Variants in NDFIP2 observed in about 807,000 individuals in gnomAD.
NDFIP2 encodes NEDD4 family-interacting protein 2.
A neutral mutation model predicts 36.0 loss-of-function variants in NDFIP2; 19 were observed. The observed-to-expected ratio is 0.53, with a 90% confidence interval of 0.37 to 0.77. The LOEUF is 0.77. NDFIP2 is among the 30% of genes least tolerant of loss of function. The pLI is 0.00. For missense variants in NDFIP2, 446 were observed against 435.8 expected, an observed-to-expected ratio of 1.02 and a Z score of -0.21; for synonymous variants, 181 against 167.7, an observed-to-expected ratio of 1.08 and a Z score of -0.61.
Position 79,551,848 on chromosome 13 carries a change from C to A in NDFIP2, c.*3-668C>A, listed in dbSNP as rs376048874. Reference sequence around the variant, plus strand: ...CCTATTCTACTTTTTAAAGCAAGTACCATGTACTTTATACCTATAAATAAG... The same window carrying A: ...CCTATTCTACTTTTTAAAGCAAGTAACATGTACTTTATACCTATAAATAAG... On this transcript the variant is annotated intron_variant, in intron 7 of 7. Transcript: ENST00000218652. 5.3e-5 allele frequency among the ~76,000 whole-genome samples: 8 copies of A among 151,328 alleles called. No individual in the cohort carries two copies. In the East Asian group the frequency reaches 1.2e-3, roughly 22 times the overall value.
chr13:79,495,170 G>A (rs1004003988), intron 1 of NDFIP2, among the ~76,000 whole-genome samples: 4 of 151,756 alleles, frequency 2.6e-5, no homozygotes, highest in Admixed American at 6.6e-5. Context: ...ATAATATACT[G>A]TGTGCACTTG....
intron 3 of NDFIP2, among the ~76,000 whole-genome samples, chr13:79,538,929 A>AG (rs1358142342): frequency 6.6e-6 from 1 of 152,162 alleles, no homozygotes; most frequent in Non-Finnish European, 1.5e-5. Context: ...TACTGGTACA[A>AG]GGGGTGGGCT....
intron 2 of NDFIP2, among the ~76,000 whole-genome samples, chr13:79,530,526 T>C (rs1238086041): frequency 6.6e-6 from 1 of 152,230 alleles, no homozygotes; most frequent in Non-Finnish European, 1.5e-5. Flanking sequence ...TTATGGCATT[T>C]TACCCACACT....
At chr13:79,493,443 A>G (rs1873320009) in intron 1 of NDFIP2, among the ~76,000 whole-genome samples, 1 of 152,144 alleles carries the variant, frequency 6.6e-6, no homozygotes, top group Admixed American at 6.5e-5. Context: ...TCCTCTTGTA[A>G]CCAGTGGCTT....
chr13:79,540,842 G>A (rs898493147), intron 4 of NDFIP2, among the ~76,000 whole-genome samples: 27 of 152,228 alleles, frequency 1.8e-4, no homozygotes, highest in Middle Eastern at 3.4e-3. Context: ...TAATGTTCAC[G>A]TTGTCAACCA....
At position 79,533,567 on chromosome 13, in the gene NDFIP2, T is replaced by C. The variant is rs186282955; in HGVS notation, c.621+111T>C. The C allele has an allele frequency of 3.5e-4, 339 of 980,246 alleles. 1 individual carries two copies. The highest frequency in any genetic ancestry group is 4.4e-4 in the Non-Finnish European group (310 of 701,798). The allele number at this position is 980,246 out of a possible 1,614,324, so 60.7% of individuals were successfully genotyped here. A position where few individuals can be genotyped will look rare whatever the true frequency, so the allele number is the denominator to read the frequency against. ...GTGTAAGTGTGTATGTAGATTTTTT[T>C]TGAGCATTATGGGTTTAAACTGCAC... On this transcript the variant is annotated intron_variant, in intron 3 of 7. Coordinates refer to ENST00000218652, the MANE Select transcript of NDFIP2 (RefSeq NM_019080.3).
intron 1 of NDFIP2, among the ~76,000 whole-genome samples, chr13:79,494,680 C>A (rs938399848): frequency 6.6e-6 from 1 of 151,938 alleles, no homozygotes; most frequent in Non-Finnish European, 1.5e-5. Context: ...TCCTGTTTGT[C>A]GCACTCTAAG....
Position 79,531,081 on chromosome 13 carries a change from G to T in NDFIP2, c.488-2242G>T, listed in dbSNP as rs192746826. Among the ~76,000 whole-genome samples, 169 of 152,296 alleles carry T rather than the reference G, an allele frequency of 1.1e-3. 1 individual carries two copies. The highest frequency in any genetic ancestry group is 1.3e-3 in the Non-Finnish European group (90 of 68,022). ...GTCAGAATGACCCCTTGATCCATGG[G>T]CTGCAAAATGGATGTTGTCTTAGTA... On this transcript the variant is annotated intron_variant, in intron 2 of 7. Transcript: ENST00000218652.
intron 1 of NDFIP2, among the ~76,000 whole-genome samples, chr13:79,488,648 A>G (rs991683084): frequency 6.6e-6 from 1 of 152,344 alleles, no homozygotes; most frequent in East Asian, 1.9e-4. Flanking sequence ...CAAATATCCT[A>G]TAACTCATTC....
chr13:79,482,169 C>CTTTTTTTTTTTTTTTTT (rs10558361), intron 1 of NDFIP2, among the ~76,000 whole-genome samples: 7 of 75,886 alleles, frequency 9.2e-5, no homozygotes, highest in East Asian at 5.2e-4. Flanking sequence ...TTCTTTCTTT[C>CTTTTTTTTTTTTTTTTT]TTTTTTTTTT....
chr13:79,510,811 C>A (rs1299414221), intron 1 of NDFIP2, among the ~76,000 whole-genome samples: 1 of 151,804 alleles, frequency 6.6e-6, no homozygotes, highest in Non-Finnish European at 1.5e-5. Context: ...CCAGCCTGGC[C>A]AACATAGTGA....
chr13:79,488,216 A>G (rs1342104672), intron 1 of NDFIP2, among the ~76,000 whole-genome samples: 1 of 152,202 alleles, frequency 6.6e-6, no homozygotes, highest in African/African-American at 2.4e-5. Context: ...ACCAATACTC[A>G]AATGTGTTAT....
chr13:79,517,159 T>C (rs1240968837), intron 1 of NDFIP2, among the ~76,000 whole-genome samples: 3 of 152,196 alleles, frequency 2.0e-5, no homozygotes. Context: ...TTCACCACCC[T>C]GGTTGATACA....
chr13:79,493,799 T>C (rs1355701560), intron 1 of NDFIP2, among the ~76,000 whole-genome samples: 7 of 152,180 alleles, frequency 4.6e-5, no homozygotes, highest in Non-Finnish European at 1.0e-4. Context: ...CTAGCTACAA[T>C]GAACCCAGCC....
chr13:79,511,171 T>C (rs74098302), intron 1 of NDFIP2, among the ~76,000 whole-genome samples: 5,579 of 152,240 alleles, frequency 0.037, 330 homozygotes, highest in African/African-American at 0.13. Flanking sequence ...GCTGCATCAA[T>C]GTAGATTTTC....
At chr13:79,527,645 AAC>A (rs1874853430) in intron 2 of NDFIP2, among the ~76,000 whole-genome samples, 3 of 152,218 alleles carry the variant, frequency 2.0e-5, no homozygotes, top group Admixed American at 2.0e-4. Flanking sequence ...GTACAAGTCT[AAC>A]ACATACAATT....
intron 1 of NDFIP2, among the ~76,000 whole-genome samples, chr13:79,515,038 A>G (rs575886426): frequency 4.6e-5 from 7 of 152,306 alleles, no homozygotes; most frequent in Admixed American, 2.6e-4. Flanking sequence ...TTGGGTGAAC[A>G]TCGTAGACTA....
intron 1 of NDFIP2, among the ~76,000 whole-genome samples, chr13:79,488,749 G>A (rs1873115034): frequency 6.6e-6 from 1 of 152,228 alleles, no homozygotes; most frequent in East Asian, 1.9e-4. Flanking sequence ...TTGTCTCATG[G>A]CTCATGCTTT....
chr13:79,486,885 A>G (rs1873013295), intron 1 of NDFIP2, among the ~76,000 whole-genome samples: 1 of 152,198 alleles, frequency 6.6e-6, no homozygotes, highest in African/African-American at 2.4e-5. Flanking sequence ...TCTAGGAGCA[A>G]TAGGCTAGAC....
Sources: gnomAD v4.1 joint callset for allele counts (sites outside exome capture counted in the v4.1 genomes callset) on GRCh38, gnomAD v4.1.1 for gene constraint, MANE v1.5 for transcripts, NCBI Gene and HGNC (gene_info 2026-07-23, HGNC 2026-07-21) for gene names.